Variants in KHSRP observed in about 807,000 individuals in gnomAD.
KHSRP encodes KH-type splicing regulatory protein, also known as far upstream element-binding protein 2.
Under a neutral mutation model 94.9 loss-of-function variants are expected in KHSRP, and 13 were observed. That is an observed-to-expected ratio of 0.14 (90% CI 0.09 to 0.22). The LOEUF is 0.22. Among genes scored for constraint, KHSRP ranks in the 10% least tolerant of loss-of-function variants. The pLI is 1.00. For missense variants in KHSRP, 710 were observed against 1,010.0 expected (o/e 0.70, Z 4.03); for synonymous variants, 495 against 401.4 (o/e 1.23, Z -2.79).
rs1199486828 is a variant in KHSRP at position 6,414,660 on chromosome 19, G to A, written c.*364C>T. 1.3e-5 allele frequency: 13 copies of A among 1,014,094 alleles called. No homozygotes were observed. Among genetic ancestry groups the A allele is most frequent in the Non-Finnish European group, 1.5e-5 (13 of 849,620 alleles). 62.8% of individuals were successfully genotyped at this position (1,014,094 alleles called of 1,614,324 possible). On this transcript the variant is annotated 3_prime_UTR_variant, in exon 19 of 19. Coordinates refer to ENST00000600480, the MANE Select transcript of KHSRP (RefSeq NM_001366299.1). ...AGGCCGCCTGCAACACAGTCACTTG[G>A]ACACAGGAAAAAAGATCATGGGTTT...
Position 6,413,365 on chromosome 19 carries a change from T to C in KHSRP, c.*1659A>G, listed in dbSNP as rs1450670693. On this transcript the variant is annotated 3_prime_UTR_variant, in exon 19 of 19. Transcript: ENST00000600480. Reference sequence around the variant, plus strand: ...CAGACGGGGAGGTTTTGTTATCATTTATTTGTGAAGTTAAAAACGAGCGAT... The same window carrying C: ...CAGACGGGGAGGTTTTGTTATCATTCATTTGTGAAGTTAAAAACGAGCGAT... 5.0e-6 allele frequency: 2 copies of C among 398,926 alleles called. No individual in the cohort carries two copies. Among genetic ancestry groups the C allele is most frequent in the Non-Finnish European group, 9.9e-6 (2 of 202,948 alleles). The allele number at this position is 398,926 out of a possible 1,614,324, so 24.7% of individuals were successfully genotyped here.
rs745422255 is a variant in KHSRP at position 6,420,193 on chromosome 19, C to T, written c.476-49G>A. 2.6e-6 allele frequency: 4 copies of T among 1,533,716 alleles called. No individual in the cohort carries two copies. In the African/African-American group the frequency reaches 4.1e-5, roughly 16 times the overall value. The stretch of plus-strand genomic sequence containing the variant: ...AGCAAAGCGTGATGAGGGAAGGGAG[C>T]CCAGGCCTCAGGAGACTGTGTGGCC... On this transcript the variant is annotated intron_variant, in intron 5 of 18. Coordinates refer to ENST00000600480, the MANE Select transcript of KHSRP (RefSeq NM_001366299.1).
At chr19:6,421,999 G>C (rs191376488) in intron 2 of KHSRP, among the ~76,000 whole-genome samples, 42 of 152,300 alleles carry the variant, frequency 2.8e-4, no homozygotes, top group Non-Finnish European at 4.7e-4. Flanking sequence ...GGTCAGGGTT[G>C]ATCATCCGCT....
rs375287015 is a variant in KHSRP at position 6,414,739 on chromosome 19, G to GA, written c.*284dup. 1 of 1,065,248 alleles carries GA rather than the reference G, an allele frequency of 9.4e-7. No individual in the cohort carries two copies. The highest frequency in any genetic ancestry group is 1.1e-6 in the Non-Finnish European group (1 of 882,020). The allele number at this position is 1,065,248 out of a possible 1,614,324, so 66.0% of individuals were successfully genotyped here. ...ACCAAAAAAGTGATGCAGAGAAGGG[G>GA]AAAAAATAGACGTTTTCTTCCCAAG... On this transcript the variant is annotated 3_prime_UTR_variant, in exon 19 of 19. Coordinates refer to ENST00000600480, the MANE Select transcript of KHSRP (RefSeq NM_001366299.1).
At chr19:6,424,361 CGACCCTGCGCGCGCGCGCGCACGT>C (rs997800179) in intron 1 of KHSRP, 68 bp downstream of exon 1, 1 of 588,140 alleles carries the variant, frequency 1.7e-6, no homozygotes, top group African/African-American at 2.0e-5. Flanking sequence ...CCCCCCTCCG[CGACCCTGCGCGCGCGCGCGCACGT>C]GACCCCCGCC....
chr19:6,421,189 G>T, intron 4 of KHSRP, 89 bp downstream of exon 4: 2 of 1,203,188 alleles, frequency 1.7e-6, no homozygotes, highest in Non-Finnish European at 1.2e-6. Flanking sequence ...TGAGAGATGT[G>T]CCCCCAGTCA....
chr19:6,417,542 T>G (rs957717302), intron 11 of KHSRP, among the ~76,000 whole-genome samples, 197 bp downstream of exon 11: 2 of 151,938 alleles, frequency 1.3e-5, no homozygotes, highest in African/African-American at 4.8e-5. Context: ...GAACACACGT[T>G]CCCCCTGGAT....
chr19:6,422,482 C>A (rs2092201155), intron 1 of KHSRP, 46 bp from the exon 2 acceptor site: 1 of 1,404,728 alleles, frequency 7.1e-7, no homozygotes, highest in South Asian at 1.2e-5. Context: ...CAAAAACAAC[C>A]CTCCATGGCA....
Position 6,418,921 on chromosome 19 carries a change from G to T in KHSRP, c.606-45C>A. 1 of 1,499,062 alleles carries T rather than the reference G, an allele frequency of 6.7e-7. No homozygotes were observed. Among genetic ancestry groups the T allele is most frequent in the Non-Finnish European group, 8.9e-7 (1 of 1,129,764 alleles). 92.9% of individuals were successfully genotyped at this position (1,499,062 alleles called of 1,614,324 possible). On this transcript the variant is annotated intron_variant, in intron 7 of 18. Coordinates refer to ENST00000600480, the MANE Select transcript of KHSRP (RefSeq NM_001366299.1). This position sits in a 1 kb window ranked among gnomAD's most constrained non-coding sequence, Gnocchi z 4.3. ...GGGATGAGCGGGTGCCACCGCTGGA[G>T]AAAGGTACTGGTCTGGTGGCCCACC...
rs753663665 is a variant in KHSRP at position 6,421,600 on chromosome 19, ACCT to A, written c.385+47_385+49del. On this transcript the variant is annotated intron_variant, in intron 3 of 18. Transcript: ENST00000600480. Reference sequence around the variant, plus strand: ...TGCTTCCAGCTCCTGACTCCTGAAAACCTCAACCCTCTGAAGCCACATATCTGC... The same window carrying A: ...TGCTTCCAGCTCCTGACTCCTGAAAACAACCCTCTGAAGCCACATATCTGC... The A allele has an allele frequency of 4.4e-6, 7 of 1,602,304 alleles. No individual in the cohort carries two copies. In the South Asian group the frequency reaches 6.6e-5, roughly 15 times the overall value.
Position 6,418,933 on chromosome 19 carries a change from T to G in KHSRP, c.606-57A>C, listed in dbSNP as rs1456805338. 1 of 1,476,546 alleles carries G rather than the reference T, an allele frequency of 6.8e-7. No homozygotes were observed. The highest frequency in any genetic ancestry group is 9.0e-7 in the Non-Finnish European group (1 of 1,116,206). 91.5% of individuals were successfully genotyped at this position (1,476,546 alleles called of 1,614,324 possible). ...TGCCACCGCTGGAGAAAGGTACTGGTCTGGTGGCCCACCCAGCTCAAAGGG... is the reference window on the plus strand; with the variant it reads ...TGCCACCGCTGGAGAAAGGTACTGGGCTGGTGGCCCACCCAGCTCAAAGGG... On this transcript the variant is annotated intron_variant, in intron 7 of 18. Transcript: ENST00000600480. This position sits in a 1 kb window ranked among gnomAD's most constrained non-coding sequence, Gnocchi z 4.3.
chr19:6,414,495 G>C lies in KHSRP; in HGVS notation c.*529C>G. 9.3e-7 allele frequency: 1 copy of C among 1,075,046 alleles called. No homozygotes were observed. Among genetic ancestry groups the C allele is most frequent in the Non-Finnish European group, 1.1e-6 (1 of 887,700 alleles). The allele number at this position is 1,075,046 out of a possible 1,614,324, so 66.6% of individuals were successfully genotyped here. A position where few individuals can be genotyped will look rare whatever the true frequency, so the allele number is the denominator to read the frequency against. ...TCCCCACAACACCCCTGTGAGGTAG[G>C]TTGGAAGGTGGCAACGATCTTCACG... On this transcript the variant is annotated 3_prime_UTR_variant, in exon 19 of 19. Coordinates refer to ENST00000600480, the MANE Select transcript of KHSRP (RefSeq NM_001366299.1).
chr19:6,418,149 G>A lies in KHSRP; in HGVS notation c.880-70C>T. 6 of 1,421,094 alleles carry A rather than the reference G, an allele frequency of 4.2e-6. No homozygotes were observed. Among genetic ancestry groups the A allele is most frequent in the Non-Finnish European group, 5.9e-6 (6 of 1,013,348 alleles). The allele number at this position is 1,421,094 out of a possible 1,614,324, so 88.0% of individuals were successfully genotyped here. A position where few individuals can be genotyped will look rare whatever the true frequency, so the allele number is the denominator to read the frequency against. Reference sequence around the variant, plus strand: ...CCCACACCCCCCCACCTCCTCGGGGGTGCGGGCCTCAACTAAGGACCCACG... The same window carrying A: ...CCCACACCCCCCCACCTCCTCGGGGATGCGGGCCTCAACTAAGGACCCACG... On this transcript the variant is annotated intron_variant, in intron 9 of 18. Transcript: ENST00000600480. The surrounding 1 kb of genome is among the most constrained non-coding windows in gnomAD (Gnocchi z 4.3).
rs187326637 is a variant in KHSRP at position 6,417,592 on chromosome 19, G to A, written c.1081+147C>T. The A allele has an allele frequency of 1.8e-4, 116 of 649,110 alleles. No homozygotes were observed. In the East Asian group the frequency reaches 2.8e-3, roughly 16 times the overall value. The allele number at this position is 649,110 out of a possible 1,614,324, so 40.2% of individuals were successfully genotyped here. Reference sequence around the variant, plus strand: ...TGTGTCTGTCCCAGAGAAGAGAAGGGACTGGCCATGTTCTGACGGCTGGAC... The same window carrying A: ...TGTGTCTGTCCCAGAGAAGAGAAGGAACTGGCCATGTTCTGACGGCTGGAC... On this transcript the variant is annotated intron_variant, in intron 11 of 18. Coordinates refer to ENST00000600480, the MANE Select transcript of KHSRP (RefSeq NM_001366299.1).
Position 6,414,986 on chromosome 19 carries a change from CCCGGAGACCT to C in KHSRP, c.*28_*37del. ...GCTTCCCTGGCGGTGCGTGGGGACT[CCCGGAGACCT>C]CCGGCCACACGGCCCCCGCTGCAGG... is the stretch of plus-strand genomic sequence containing the variant. On this transcript the variant is annotated 3_prime_UTR_variant, in exon 19 of 19. Coordinates refer to ENST00000600480, the MANE Select transcript of KHSRP (RefSeq NM_001366299.1). 1 of 1,442,908 alleles carries C rather than the reference CCCGGAGACCT, an allele frequency of 6.9e-7. No homozygotes were observed. 89.4% of individuals were successfully genotyped at this position (1,442,908 alleles called of 1,614,324 possible). A position where few individuals can be genotyped will look rare whatever the true frequency, so the allele number is the denominator to read the frequency against.
chr19:6,418,061 T>C lies in KHSRP; in HGVS notation c.898A>G (p.Met300Val). 1 of 1,613,814 alleles carries C rather than the reference T, an allele frequency of 6.2e-7. No individual in the cohort carries two copies. Among genetic ancestry groups the C allele is most frequent in the Non-Finnish European group, 8.5e-7 (1 of 1,179,832 alleles). The change falls in exon 10 of 19, where the codon ATG becomes GTG. Residue 300 changes from methionine (M) to valine (V), a missense_variant. Physicochemically the swap from Met to Val is conservative, Grantham distance 21. Coordinates refer to ENST00000600480, the MANE Select transcript of KHSRP (RefSeq NM_001366299.1). The surrounding 1 kb of genome is among the most constrained non-coding windows in gnomAD (Gnocchi z 4.3). ...YKVQQACEMV[M>V]DILRERDQGG... ...TGGTCACGTTCCCGGAGGATGTCCA[T>C]CACCATCTCACAGGCTTGCTGCAAA...
intron 15 of KHSRP, 93 bp downstream of exon 15, chr19:6,416,205 G>A: frequency 9.5e-7 from 1 of 1,052,254 alleles, no homozygotes; most frequent in Non-Finnish European, 1.4e-6. Flanking sequence ...CCCCCCGCCT[G>A]CACTTCTAGG....
chr19:6,422,354 T>C lies in KHSRP; in HGVS notation c.332A>G (p.Gln111Arg). 6.2e-7 allele frequency: 1 copy of C among 1,612,892 alleles called. No individual in the cohort carries two copies. Residue 111 changes from glutamine (Q) to arginine (R), a missense_variant, in exon 2 of 19, where the codon CAG becomes CGG. Coordinates refer to ENST00000600480, the MANE Select transcript of KHSRP (RefSeq NM_001366299.1). ...CAGGGAGTTACCTCCATCTTCCAAC[T>C]GTCTCTTTTGGCCCCCAAAACCAAA... is the stretch of plus-strand genomic sequence containing the variant. ...PDFGFGGQKR[Q>R]LEDGDQPESK... is the part of the protein sequence containing the mutation.
At position 6,416,911 on chromosome 19, in the gene KHSRP, T is replaced by A. The variant is rs760922521; in HGVS notation, c.1183-29A>T. 6 of 1,612,688 alleles carry A rather than the reference T, an allele frequency of 3.7e-6. No individual in the cohort carries two copies. In the Admixed American group the frequency reaches 6.7e-5, roughly 18 times the overall value. ...CAAGACAAGAGGAGGAGGAGGATGATGAACCCTGGAAGCCGGTCTGGTCTT... is the reference window on the plus strand; with the variant it reads ...CAAGACAAGAGGAGGAGGAGGATGAAGAACCCTGGAAGCCGGTCTGGTCTT... On this transcript the variant is annotated intron_variant, in intron 12 of 18. Transcript: ENST00000600480.
Sources: gnomAD v4.1 joint callset for allele counts (sites outside exome capture counted in the v4.1 genomes callset) on GRCh38, gnomAD v4.1.1 for gene constraint, Gnocchi (gnomAD v3.1) non-coding constraint, MANE v1.5 for transcripts, NCBI Gene and HGNC (gene_info 2026-07-23, HGNC 2026-07-21) for gene names.